The following SGCD variants were observed in gnomAD, a reference collection of about 807,000 sequenced individuals.
The protein encoded by SGCD is delta-sarcoglycan.
SGCD carries 18 observed loss-of-function variants against 36.6 expected under a neutral mutation model. The observed-to-expected ratio is 0.49, with a 90% CI of 0.34 to 0.73. The LOEUF is 0.73. SGCD is among the 30% of genes least tolerant of loss of function. The probability of loss-of-function intolerance (pLI) is 0.01; values close to 1 mark genes in which losing one functional copy is unlikely to be tolerated. For missense variants in SGCD, 387 were observed against 346.7 expected, an observed-to-expected ratio of 1.12 and a Z score of -0.92; for synonymous variants, 133 against 130.6, an observed-to-expected ratio of 1.02 and a Z score of -0.12.
At chr5:156,122,764 C>T (rs183211888) in intron 2 of SGCD, among the ~76,000 whole-genome samples, 68 of 141,716 alleles carry the variant, frequency 4.8e-4, no homozygotes, top group African/African-American at 1.6e-3. Flanking sequence ...GAGTACCAGC[C>T]CTAGTCTGAG....
chr5:156,109,815 G>A (rs896746714), intron 1 of SGCD, among the ~76,000 whole-genome samples: 1 of 152,050 alleles, frequency 6.6e-6, no homozygotes, highest in Non-Finnish European at 1.5e-5. Flanking sequence ...ACTGCCCTAT[G>A]TCTGACTCAT....
chr5:156,008,220 A>T (rs1157808895), intron 1 of SGCD, among the ~76,000 whole-genome samples: 7 of 152,174 alleles, frequency 4.6e-5, no homozygotes, highest in African/African-American at 1.4e-4. Context: ...TGGCAGGGTT[A>T]TGCTGCTCCT....
intron 1 of SGCD, among the ~76,000 whole-genome samples, chr5:155,880,728 C>A (rs1018986447): frequency 6.6e-6 from 1 of 152,022 alleles, no homozygotes; most frequent in Non-Finnish European, 1.5e-5. Context: ...TGAACTTGAG[C>A]CAGAAAACCT....
intron 4 of SGCD, among the ~76,000 whole-genome samples, chr5:156,547,423 G>C (rs1417982863): frequency 6.6e-6 from 1 of 150,794 alleles, no homozygotes; most frequent in Admixed American, 6.6e-5. Flanking sequence ...CCAAAAGATA[G>C]AAGAAATGAT....
intron 3 of SGCD, among the ~76,000 whole-genome samples, chr5:156,352,262 A>C (rs1769298336): frequency 6.6e-6 from 1 of 152,174 alleles, no homozygotes; most frequent in Admixed American, 6.5e-5. Flanking sequence ...AGTACTTGTA[A>C]AATTAGATGA....
intron 4 of SGCD, among the ~76,000 whole-genome samples, chr5:156,585,582 G>C (rs1760458613): frequency 6.6e-6 from 1 of 152,206 alleles, no homozygotes; most frequent in African/African-American, 2.4e-5. Context: ...CCAGTGTTGA[G>C]AGCCTTCCAG....
chr5:156,500,904 A>T (rs1450888330), intron 3 of SGCD, among the ~76,000 whole-genome samples: 1 of 152,162 alleles, frequency 6.6e-6, no homozygotes, highest in Non-Finnish European at 1.5e-5. Flanking sequence ...AGTCCACGTC[A>T]CTCAGAATTT....
chr5:156,023,187 A>C (rs1365697685), intron 1 of SGCD, among the ~76,000 whole-genome samples: 1 of 152,240 alleles, frequency 6.6e-6, no homozygotes, highest in Non-Finnish European at 1.5e-5. Context: ...ATTAGGGCAC[A>C]TGTGTAGGCA....
the SGCD span, among the ~76,000 whole-genome samples, chr5:155,782,244 C>G: frequency 6.6e-6 from 1 of 151,928 alleles, no homozygotes; most frequent in African/African-American, 2.4e-5. Flanking sequence ...AGGCTGGTCT[C>G]GAACTCCTGA....
chr5:156,137,751 C>G (rs187092769), intron 3 of SGCD, among the ~76,000 whole-genome samples: 3 of 151,976 alleles, frequency 2.0e-5, no homozygotes, highest in African/African-American at 4.8e-5. Flanking sequence ...TGGGTGGGGC[C>G]GGCAGCATTA....
chr5:156,758,184 G>C (rs1757410404), intron 8 of SGCD: 1 of 161,512 alleles, frequency 6.2e-6, no homozygotes, highest in Non-Finnish European at 1.3e-5. Context: ...AGGCAGCAAG[G>C]GAATGAAACA....
chr5:156,608,609 C>G (rs564175440), intron 6 of SGCD, among the ~76,000 whole-genome samples: 20 of 152,292 alleles, frequency 1.3e-4, no homozygotes, highest in South Asian at 8.3e-4. Context: ...TGTTAACTTT[C>G]TGTCTCATTG....
At chr5:156,353,278 G>T (rs1213036585) in intron 3 of SGCD, among the ~76,000 whole-genome samples, 1 of 152,218 alleles carries the variant, frequency 6.6e-6, no homozygotes, top group African/African-American at 2.4e-5. Flanking sequence ...AAATTAAAAT[G>T]TATAAAGATG....
At chr5:156,699,935 T>C (rs1198047537) in intron 7 of SGCD, among the ~76,000 whole-genome samples, 2 of 152,134 alleles carry the variant, frequency 1.3e-5, no homozygotes, top group African/African-American at 4.8e-5. Flanking sequence ...TTAAGAGAAG[T>C]AGTAGCTAAG....
upstream of SGCD, among the ~76,000 whole-genome samples, chr5:156,321,925 C>T (rs1580818380): frequency 6.6e-6 from 1 of 152,142 alleles, no homozygotes; most frequent in East Asian, 1.9e-4. Flanking sequence ...TTTCCTTAGG[C>T]TAATTTGAAT....
chr5:156,220,988 A>G (rs1179929874), intron 3 of SGCD, among the ~76,000 whole-genome samples: 2 of 152,136 alleles, frequency 1.3e-5, no homozygotes, highest in East Asian at 3.9e-4. Flanking sequence ...CATTTTAGTT[A>G]TTCTCTTGTC....
chr5:155,868,776 C>CA (rs973159111), upstream of SGCD, among the ~76,000 whole-genome samples: 1 of 151,792 alleles, frequency 6.6e-6, no homozygotes, highest in African/African-American at 2.4e-5. Flanking sequence ...TGTCAGGTGA[C>CA]AAAAAATGAA....
At chr5:156,009,350 G>A (rs1758813110) in intron 1 of SGCD, among the ~76,000 whole-genome samples, 2 of 152,054 alleles carry the variant, frequency 1.3e-5, no homozygotes, top group Non-Finnish European at 1.5e-5. Flanking sequence ...ACAGTTGGAG[G>A]TGCCAATTTC....
At chr5:156,269,505 A>C (rs12188043) in intron 3 of SGCD, among the ~76,000 whole-genome samples, 14,958 of 86,116 alleles carry the variant, frequency 0.17, 2,679 homozygotes, top group African/African-American at 0.22. Flanking sequence ...AAAAAAAAAA[A>C]AAAAACCATC....
Sources: gnomAD v4.1 joint callset for allele counts (sites outside exome capture counted in the v4.1 genomes callset) on GRCh38, gnomAD v4.1.1 for gene constraint, MANE v1.5 for transcripts, NCBI Gene and HGNC (gene_info 2026-07-23, HGNC 2026-07-21) for gene names.